Variants in CUX1 observed in about 807,000 individuals in gnomAD.
CUX1 encodes protein CASP.
A neutral mutation model predicts 158.8 loss-of-function variants in CUX1; 31 were observed. That is an observed-to-expected ratio of 0.20 (90% CI 0.15 to 0.26). The LOEUF (loss-of-function observed/expected upper bound fraction) is 0.26. Ranked by LOEUF, CUX1 falls within the 10% of genes least tolerant of loss-of-function variation. The probability of loss-of-function intolerance (pLI) is 1.00; values close to 1 mark genes in which losing one functional copy is unlikely to be tolerated. For missense variants in CUX1, 1,589 were observed against 2,014.6 expected, an observed-to-expected ratio of 0.79 and a Z score of 4.04; for synonymous variants, 879 against 862.1, an observed-to-expected ratio of 1.02 and a Z score of -0.34.
intron 8 of CUX1, chr7:102,153,769 C>T (rs1835948925): frequency 6.6e-6 from 1 of 152,300 alleles, no homozygotes; most frequent in African/African-American, 2.4e-5. Context: ...CCCAAACACA[C>T]AAGCAAAAAC....
Position 102,112,566 on chromosome 7 carries a change from G to C in CUX1, c.607+792G>C, listed in dbSNP as rs529066283. Among the ~76,000 whole-genome samples, 3 of 115,944 alleles carry C rather than the reference G, an allele frequency of 2.6e-5. No homozygotes were observed. The East Asian group carries it at 6.0e-4, about 23-fold the overall frequency. The allele number at this position is 115,944 out of a possible 152,430, so 76.1% of individuals were successfully genotyped here. On this transcript the variant is annotated intron_variant, in intron 7 of 23. Transcript: ENST00000292535. ...CTCTCTCTATTTCTTTTTTTGTTTT[G>C]TTTTGTTTTTGTTTTTTTTTTGAGA...
At chr7:102,260,990 G>A (rs1478850444), downstream of CUX1, among the ~76,000 whole-genome samples, 1 of 152,234 alleles carries the variant, frequency 6.6e-6, no homozygotes, top group East Asian at 1.9e-4. Context: ...CTGCATGTAC[G>A]GACCCAACCA....
At chr7:101,937,512 T>TC (rs1330714381) in intron 2 of CUX1, among the ~76,000 whole-genome samples, 3 of 151,010 alleles carry the variant, frequency 2.0e-5, no homozygotes, top group Non-Finnish European at 4.4e-5. Context: ...ATCAAGTCTT[T>TC]TTTTTTTTTT....
At chr7:102,158,142 C>T (rs1431101226) in intron 8 of CUX1, among the ~76,000 whole-genome samples, 1 of 152,086 alleles carries the variant, frequency 6.6e-6, no homozygotes, top group Non-Finnish European at 1.5e-5. Context: ...CAAACTTCTA[C>T]TCATCCTTCA....
chr7:102,066,838 A>G (rs894093121), intron 3 of CUX1, among the ~76,000 whole-genome samples: 5 of 152,244 alleles, frequency 3.3e-5, no homozygotes, highest in African/African-American at 4.8e-5. Context: ...AAACAGTGCC[A>G]TTTAGACAGT....
chr7:102,074,626 C>T (rs563703238), intron 4 of CUX1, among the ~76,000 whole-genome samples: 1 of 152,322 alleles, frequency 6.6e-6, no homozygotes, highest in East Asian at 1.9e-4. Context: ...CCGCCACTCC[C>T]ACTGAGTCCT....
At chr7:102,281,728 C>T in intron 20 of CUX1, 1 of 732,002 alleles carries the variant, frequency 1.4e-6, no homozygotes, top group African/African-American at 1.7e-5. Context: ...GCCCCAGCTT[C>T]CTGTCCCTTC....
downstream of CUX1, among the ~76,000 whole-genome samples, chr7:102,260,673 C>CT (rs1452367912): frequency 1.3e-5 from 2 of 149,444 alleles, no homozygotes; most frequent in Non-Finnish European, 3.0e-5. Flanking sequence ...ATCTGCCTGC[C>CT]TCAGCCTCCC....
intron 5 of CUX1, among the ~76,000 whole-genome samples, chr7:102,101,540 A>T (rs1829775686): frequency 6.6e-6 from 1 of 152,188 alleles, no homozygotes; most frequent in South Asian, 2.1e-4. Flanking sequence ...ACACACTGTG[A>T]TGTGTCACTG....
chr7:101,886,511 T>C (rs1800245565), intron 1 of CUX1, among the ~76,000 whole-genome samples: 1 of 152,146 alleles, frequency 6.6e-6, no homozygotes, highest in South Asian at 2.1e-4. Flanking sequence ...GGCACCCACC[T>C]TTTTGTGGAC....
chr7:101,993,676 G>C (rs1815441496), intron 2 of CUX1, among the ~76,000 whole-genome samples: 1 of 152,218 alleles, frequency 6.6e-6, no homozygotes, highest in Non-Finnish European at 1.5e-5. Flanking sequence ...GCCCCCACGG[G>C]TTTCTTAGCC....
At chr7:102,244,703 A>G (rs75640786) in intron 23 of CUX1, among the ~76,000 whole-genome samples, 4,723 of 152,148 alleles carry the variant, frequency 0.031, 111 homozygotes, top group Non-Finnish European at 0.045. Context: ...GCAAAAAAAA[A>G]CATATCTCAG....
intron 5 of CUX1, among the ~76,000 whole-genome samples, chr7:102,102,951 G>A (rs1829940367): frequency 2.0e-5 from 3 of 152,110 alleles, no homozygotes; most frequent in African/African-American, 4.8e-5. Context: ...GAGGGCGCAG[G>A]TGTAGTTGTC....
intron 8 of CUX1, among the ~76,000 whole-genome samples, chr7:102,123,814 C>T (rs1554494287): frequency 6.6e-6 from 1 of 151,846 alleles, no homozygotes; most frequent in African/African-American, 2.4e-5. Context: ...AGGTGTGTAC[C>T]ACCACACCTG....
chr7:102,071,328 G>C (rs560509702), intron 4 of CUX1, among the ~76,000 whole-genome samples: 1 of 152,288 alleles, frequency 6.6e-6, no homozygotes, highest in Non-Finnish European at 1.5e-5. Flanking sequence ...TCTAAGAGGT[G>C]ATGGCTTCCG....
intron 2 of CUX1, among the ~76,000 whole-genome samples, chr7:101,993,980 G>A (rs1585205726): frequency 6.6e-6 from 1 of 152,256 alleles, no homozygotes; most frequent in East Asian, 1.9e-4. Context: ...TGCCATTCAT[G>A]CTGCAGACGT....
chr7:101,962,638 C>A (rs773631132), intron 2 of CUX1, among the ~76,000 whole-genome samples: 1 of 152,170 alleles, frequency 6.6e-6, no homozygotes, highest in Non-Finnish European at 1.5e-5. Context: ...AAATGGATTT[C>A]TCCCTTGCTT....
chr7:102,028,265 C>A, intron 3 of CUX1, 120 bp downstream of exon 3: 1 of 1,005,358 alleles, frequency 9.9e-7, no homozygotes, highest in South Asian at 1.5e-5. Context: ...TTCCCGGCTG[C>A]TCCGACCCAG....
rs118157441 is a variant in CUX1 at position 102,271,212 on chromosome 7, G to A, written c.1256-2154G>A. ...TGTCCCCCAGGCCCTCATCCCTGAG[G>A]TGGAATGTGGCTTCCCTGAGCCTTG... On this transcript the variant is annotated intron_variant, in intron 14 of 22. Coordinates refer to the CUX1 transcript ENST00000292538. Among the ~76,000 whole-genome samples, 63 of 152,292 alleles carry A rather than the reference G, an allele frequency of 4.1e-4. No homozygotes were observed. The East Asian group carries it at 0.011, about 27-fold the overall frequency.
Sources: allele counts gnomAD v4.1 joint callset (sites outside exome capture counted in the v4.1 genomes callset), GRCh38; gene constraint gnomAD v4.1.1; transcripts MANE v1.5; gene names NCBI Gene and HGNC (gene_info 2026-07-23, HGNC 2026-07-21).